The following RBM33 variants were observed in gnomAD, a reference collection of about 807,000 sequenced individuals.
The protein encoded by RBM33 is RNA-binding protein 33.
Under a neutral mutation model 132.6 loss-of-function variants are expected in RBM33, and 28 were observed. The observed-to-expected ratio is 0.21, with a 90% CI of 0.16 to 0.29. RBM33 has a LOEUF of 0.29. Ranked by LOEUF, RBM33 falls within the 10% of genes least tolerant of loss-of-function variation. The pLI is 1.00. For missense variants in RBM33, 1,291 were observed against 1,518.5 expected, an observed-to-expected ratio of 0.85 and a Z score of 2.49; for synonymous variants, 634 against 593.0, an observed-to-expected ratio of 1.07 and a Z score of -1.01.
In RBM33 at chr7:155,766,783, C is replaced by T. The variant is rs1010424195; in HGVS notation, c.3375+128C>T. On this transcript the variant is annotated intron_variant, in intron 16 of 17. Transcript: ENST00000401878. ...TTAAAATAATACTTGGGAAGTAAGACAAATAACCTGTTGTGCATACTTAGT... is the reference window on the plus strand; with the variant it reads ...TTAAAATAATACTTGGGAAGTAAGATAAATAACCTGTTGTGCATACTTAGT... 171 of 894,406 alleles carry T rather than the reference C, an allele frequency of 1.9e-4. 1 individual carries two copies. The highest frequency in any genetic ancestry group is 2.4e-4 in the Non-Finnish European group (138 of 570,260). The allele number at this position is 894,406 out of a possible 1,614,324, so 55.4% of individuals were successfully genotyped here. A position where few individuals can be genotyped will look rare whatever the true frequency, so the allele number is the denominator to read the frequency against.
Position 155,678,635 on chromosome 7 carries a change from C to A in RBM33, c.199C>A (p.Leu67Ile). 6.3e-7 allele frequency: 1 copy of A among 1,578,418 alleles called. No individual in the cohort carries two copies. Among genetic ancestry groups the A allele is most frequent in the Non-Finnish European group, 8.6e-7 (1 of 1,157,660 alleles). Reference sequence around the variant, plus strand: ...TCAGTCGGATTTGTCAGATGAAGAGCTAAATGATGATCTTTTGCAGAGTGA... The same window carrying A: ...TCAGTCGGATTTGTCAGATGAAGAGATAAATGATGATCTTTTGCAGAGTGA... ...KNQSDLSDEELNDDLLQSDNE... is the reference protein window; with the variant it reads ...KNQSDLSDEEINDDLLQSDNE... The change falls in exon 4 of 18, where the codon CTA becomes ATA. Residue 67 changes from leucine to isoleucine, a missense_variant. By Grantham distance (5) the Leu-to-Ile change is conservative (BLOSUM62 2). Transcript: ENST00000401878.
intron 14 of RBM33, among the ~76,000 whole-genome samples, chr7:155,746,984 C>CA (rs969070237): frequency 6.6e-6 from 1 of 152,180 alleles, no homozygotes; most frequent in African/African-American, 2.4e-5. Flanking sequence ...AAGAATAACT[C>CA]ATTTTGTTAG....
chr7:155,723,780 G>C (rs528230713), intron 9 of RBM33, among the ~76,000 whole-genome samples: 1 of 152,296 alleles, frequency 6.6e-6, no homozygotes, highest in Admixed American at 6.5e-5. Context: ...TCTTCTGTTG[G>C]AGCTGTTGAG....
chr7:155,734,103 TTG>T (rs761926609), intron 9 of RBM33, among the ~76,000 whole-genome samples: 17 of 152,236 alleles, frequency 1.1e-4, no homozygotes, highest in Non-Finnish European at 2.2e-4. Flanking sequence ...ATTTACCAGT[TTG>T]TCTTTCAACT....
In RBM33 at chr7:155,665,195, G is replaced by A. The variant is rs777949695; in HGVS notation, c.64G>A (p.Asp22Asn). 6 of 1,613,854 alleles carry A rather than the reference G, an allele frequency of 3.7e-6. No individual in the cohort carries two copies. The South Asian group carries it at 5.5e-5, about 15-fold the overall frequency. ...CATAGATGATGACTTTGACCAGTTT[G>A]ATAAGCCTGGCGCGGAACGGTCGTG... Reference protein sequence around the residue: ...GAGDDDFDQFDKPGAERSWRR... With the variant: ...GAGDDDFDQFNKPGAERSWRR... The change falls in exon 2 of 18, where the codon GAT becomes AAT. Residue 22 changes from aspartate (D) to asparagine (N), a missense_variant. Asp to Asn is a conservative substitution (Grantham distance 23). Transcript: ENST00000401878.
intron 5 of RBM33, among the ~76,000 whole-genome samples, chr7:155,698,803 C>T (rs1313583365): frequency 6.6e-6 from 1 of 152,188 alleles, no homozygotes; most frequent in African/African-American, 2.4e-5. Flanking sequence ...TTGTTTTACT[C>T]AGTATAATGA....
At chr7:155,741,168 C>G (rs1016232084) in intron 12 of RBM33, among the ~76,000 whole-genome samples, 1 of 152,056 alleles carries the variant, frequency 6.6e-6, no homozygotes, top group Non-Finnish European at 1.5e-5. Flanking sequence ...GTCTCATGAC[C>G]CTCGTGCACT....
rs367977753 is a variant in RBM33 at position 155,649,340 on chromosome 7, G to GA, written c.43+4427dup. ...CATAAGCCTGTAAGCCTCATGAGGA[G>GA]AAAAAATGCTGTTTTACCATGCATT... On this transcript the variant is annotated intron_variant, in intron 1 of 17. Transcript: ENST00000401878. Among the ~76,000 whole-genome samples the GA allele has an allele frequency of 1.8e-3, 281 of 152,250 alleles. 2 individuals are homozygous for GA. The highest frequency in any genetic ancestry group is 6.4e-3 in the African/African-American group (267 of 41,532).
rs755270363 is a variant in RBM33, at chr7:155,775,045, C to T, written c.*4C>T. The stretch of plus-strand genomic sequence containing the variant: ...TGTGGCCCTGATCGTGGAGTGAGTC[C>T]TAACAAGAGAGCCTGACCTTAGGCT... On this transcript the variant is annotated 3_prime_UTR_variant, in exon 18 of 18. Transcript: ENST00000401878. 6.2e-7 allele frequency: 1 copy of T among 1,612,386 alleles called. No homozygotes were observed. The highest frequency in any genetic ancestry group is 8.5e-7 in the Non-Finnish European group (1 of 1,178,536).
intron 16 of RBM33, among the ~76,000 whole-genome samples, chr7:155,772,892 G>A (rs1324165847): frequency 2.0e-5 from 3 of 152,092 alleles, no homozygotes; most frequent in East Asian, 1.9e-4. Flanking sequence ...CACCTTTTTC[G>A]GGAGTGTTTG....
chr7:155,780,208 T>C lies in RBM33; in HGVS notation c.*5167T>C, dbSNP rs1045098886. 1 of 152,214 alleles carries C rather than the reference T, an allele frequency of 6.6e-6. No homozygotes were observed. Among genetic ancestry groups the C allele is most frequent in the African/African-American group, 2.4e-5 (1 of 41,452 alleles). 9.4% of individuals were successfully genotyped at this position (152,214 alleles called of 1,614,324 possible). ...TTCTAGCTGTATGCGTTCTGTAGTCTTTTCTTAGGTGGGTAACATTTTCAA... is the reference window on the plus strand; with the variant it reads ...TTCTAGCTGTATGCGTTCTGTAGTCCTTTCTTAGGTGGGTAACATTTTCAA... On this transcript the variant is annotated 3_prime_UTR_variant, in exon 18 of 18. Coordinates refer to ENST00000401878, the MANE Select transcript of RBM33 (RefSeq NM_053043.3).
At chr7:155,676,793 C>T (rs952990336) in intron 3 of RBM33, among the ~76,000 whole-genome samples, 1 of 152,180 alleles carries the variant, frequency 6.6e-6, no homozygotes, top group Non-Finnish European at 1.5e-5. Context: ...CCAGCTTTCT[C>T]AGTGAAGTGG....
At chr7:155,703,884 C>G (rs1027451774) in intron 6 of RBM33, among the ~76,000 whole-genome samples, 3 of 152,058 alleles carry the variant, frequency 2.0e-5, no homozygotes, top group Non-Finnish European at 4.4e-5. Context: ...AGCTGTTTGC[C>G]TACTCTGTAA....
rs1585386303 is a variant in RBM33 at position 155,644,663 on chromosome 7, G to C, written c.-214G>C. The C allele has an allele frequency of 2.4e-6, 1 of 415,432 alleles. No individual in the cohort carries two copies. The highest frequency in any genetic ancestry group is 3.7e-5 in the East Asian group (1 of 26,680). The allele number at this position is 415,432 out of a possible 1,614,324, so 25.7% of individuals were successfully genotyped here. A position where few individuals can be genotyped will look rare whatever the true frequency, so the allele number is the denominator to read the frequency against. ...ATCATCCCAGGGTGCACCGCGGCGG[G>C]CGCGGGCGCGCGGCCATGTTGCGGT... On this transcript the variant is annotated 5_prime_UTR_variant, in exon 1 of 18. Transcript: ENST00000401878.
chr7:155,727,040 G>T (rs1218329702), intron 9 of RBM33, among the ~76,000 whole-genome samples: 1 of 152,220 alleles, frequency 6.6e-6, no homozygotes, highest in Non-Finnish European at 1.5e-5. Context: ...GGCTGAGTCA[G>T]GCTGTGAACC....
At chr7:155,656,765 G>C (rs1395694214) in intron 1 of RBM33, among the ~76,000 whole-genome samples, 5 of 152,102 alleles carry the variant, frequency 3.3e-5, no homozygotes. Flanking sequence ...ATACTGATTT[G>C]TTTCTTAAGT....
Position 155,685,197 on chromosome 7 carries a change from C to T in RBM33, c.567+4289C>T, listed in dbSNP as rs1032480812. On this transcript the variant is annotated intron_variant, in intron 5 of 17. Transcript: ENST00000401878. ...GTGAAAAACTTGAACTTTCTAGGCT[C>T]CTTGGGAAGTGAGTTCTGGTGTGCT... 21 of 796,010 alleles carry T rather than the reference C, an allele frequency of 2.6e-5. No individual in the cohort carries two copies. In the African/African-American group the frequency reaches 3.7e-4, roughly 14 times the overall value. 49.3% of individuals were successfully genotyped at this position (796,010 alleles called of 1,614,324 possible). A position where few individuals can be genotyped will look rare whatever the true frequency, so the allele number is the denominator to read the frequency against.
rs1456199527 is a variant in RBM33, at chr7:155,767,675, G to T, written c.3375+1020G>T. Among the ~76,000 whole-genome samples, 3 of 152,286 alleles carry T rather than the reference G, an allele frequency of 2.0e-5. No individual in the cohort carries two copies. The East Asian group carries it at 5.8e-4, about 29-fold the overall frequency. On this transcript the variant is annotated intron_variant, in intron 16 of 17. Coordinates refer to ENST00000401878, the MANE Select transcript of RBM33 (RefSeq NM_053043.3). ...CATTACTGGCTTCCTGGGGAGATAGGTTTCATTTTTATTGGTGTGTAGTAA... is the reference window on the plus strand; with the variant it reads ...CATTACTGGCTTCCTGGGGAGATAGTTTTCATTTTTATTGGTGTGTAGTAA...
chr7:155,662,786 A>G lies in RBM33; in HGVS notation c.44-2389A>G, dbSNP rs573159111. On this transcript the variant is annotated intron_variant, in intron 1 of 17. Coordinates refer to ENST00000401878, the MANE Select transcript of RBM33 (RefSeq NM_053043.3). ...CATGTCTCAGTAACAGTCACCCAGA[A>G]TTCAGCCTCAACAATGGGTAGGTGG... is the stretch of plus-strand genomic sequence containing the variant. 3.0e-3 allele frequency among the ~76,000 whole-genome samples: 451 copies of G among 152,094 alleles called. 1 individual carries two copies. The highest frequency in any genetic ancestry group is 5.0e-3 in the Non-Finnish European group (342 of 67,970).
Sources: gnomAD v4.1 joint callset for allele counts (sites outside exome capture counted in the v4.1 genomes callset) on GRCh38, gnomAD v4.1.1 for gene constraint, MANE v1.5 for transcripts, NCBI Gene and HGNC (gene_info 2026-07-23, HGNC 2026-07-21) for gene names.